PLCG2: variants seen among roughly 807,000 people sequenced by gnomAD.
The protein encoded by PLCG2 is 1-phosphatidylinositol 4,5-bisphosphate phosphodiesterase gamma-2.
In PLCG2, 69 loss-of-function variants were observed where a neutral mutation model predicts 175.6. The observed-to-expected ratio is 0.39, with a 90% CI of 0.32 to 0.48. The LOEUF (loss-of-function observed/expected upper bound fraction) is 0.48, where lower values mean the gene tolerates loss of function less well. PLCG2 is among the 20% of genes least tolerant of loss of function. The pLI, the probability that PLCG2 is intolerant of heterozygous loss-of-function variation, is 0.91. For synonymous variants in PLCG2, 827 were observed against 624.0 expected, an observed-to-expected ratio of 1.33 and a Z score of -4.85; for missense variants, 1,798 against 1,650.9, an observed-to-expected ratio of 1.09 and a Z score of -1.54.
rs1366873718 is a variant in PLCG2, at chr16:81,905,516, T to C, written c.1467+9T>C. The stretch of plus-strand genomic sequence containing the variant: ...GGGATTCCATTGACCAGGTGGGCCT[T>C]GGTCCCTTCCCGTAGCCACTGCGGC... On this transcript the variant is annotated intron_variant, in intron 15 of 32. Coordinates refer to ENST00000564138, the MANE Select transcript of PLCG2 (RefSeq NM_002661.5). 6.2e-7 allele frequency: 1 copy of C among 1,605,638 alleles called. No individual in the cohort carries two copies. Among genetic ancestry groups the C allele is most frequent in the African/African-American group, 1.3e-5 (1 of 74,766 alleles).
chr16:81,926,581 C>G (rs1910284713), intron 22 of PLCG2, among the ~76,000 whole-genome samples: 1 of 152,200 alleles, frequency 6.6e-6, no homozygotes, highest in Non-Finnish European at 1.5e-5. Context: ...GTCCCAAGCA[C>G]TCAGCTTATG....
At chr16:81,896,233 G>A (rs187249675) in intron 13 of PLCG2, among the ~76,000 whole-genome samples, 98 of 152,170 alleles carry the variant, frequency 6.4e-4, no homozygotes, top group African/African-American at 2.2e-3. Flanking sequence ...CAGAACCCCC[G>A]AAAGAGAGGG....
chr16:81,910,689 G>T lies in PLCG2; in HGVS notation c.1903G>T (p.Val635Leu). 1.2e-6 allele frequency: 2 copies of T among 1,611,860 alleles called. No individual in the cohort carries two copies. The highest frequency in any genetic ancestry group is 1.7e-6 in the Non-Finnish European group (2 of 1,179,986). The stretch of plus-strand genomic sequence containing the variant: ...GTTCGAGCTGCGGCTCACGGACCCT[G>T]TGCCCAACCCCAACCCCCACGAGTC... ...AEFELRLTDP[V>L]PNPNPHESKP... is the part of the protein sequence containing the mutation. Residue 635 changes from valine (V) to leucine (L), a missense_variant, in exon 18 of 33, where the codon GTG becomes TTG. Val to Leu is a conservative substitution (Grantham distance 32, BLOSUM62 1). Transcript: ENST00000564138.
At chr16:81,843,833 G>C (rs961954736) in intron 2 of PLCG2, among the ~76,000 whole-genome samples, 2 of 152,234 alleles carry the variant, frequency 1.3e-5, no homozygotes, top group Admixed American at 1.3e-4. Flanking sequence ...TCAATAGAAT[G>C]GGCAGGATGC....
intron 2 of PLCG2, among the ~76,000 whole-genome samples, chr16:81,799,795 G>A (rs1407867477): frequency 7.3e-5 from 11 of 150,866 alleles, no homozygotes; most frequent in South Asian, 6.3e-4. Context: ...GGGTTTCACC[G>A]TGTTAGCCAG....
At chr16:81,944,614 A>C (rs1447462174) in intron 30 of PLCG2, among the ~76,000 whole-genome samples, 1 of 152,144 alleles carries the variant, frequency 6.6e-6, no homozygotes, top group Non-Finnish European at 1.5e-5. Context: ...ACAGGTGTGC[A>C]TCACTGTGCC....
At chr16:81,788,309 C>T (rs571978747) in intron 2 of PLCG2, among the ~76,000 whole-genome samples, 49 of 152,282 alleles carry the variant, frequency 3.2e-4, no homozygotes, top group African/African-American at 1.1e-3. Context: ...TAGACAGAGT[C>T]TCGCTCTGTT....
intron 23 of PLCG2, among the ~76,000 whole-genome samples, chr16:81,928,233 C>T (rs1451643404): frequency 6.6e-6 from 1 of 152,078 alleles, no homozygotes; most frequent in East Asian, 1.9e-4. Flanking sequence ...GTCTCATTTT[C>T]TAATAAGGTC....
intron 2 of PLCG2, among the ~76,000 whole-genome samples, chr16:81,843,953 G>C (rs889898985): frequency 2.0e-5 from 3 of 150,558 alleles, no homozygotes; most frequent in Admixed American, 1.3e-4. Context: ...TTTCCTTTTC[G>C]TTTTTCTTTT....
intron 2 of PLCG2, among the ~76,000 whole-genome samples, chr16:81,761,390 A>T (rs1181407430): frequency 6.6e-6 from 1 of 152,176 alleles, no homozygotes; most frequent in Non-Finnish European, 1.5e-5. Context: ...AGTAATGATA[A>T]TACTTAAATG....
chr16:81,771,287 G>C lies in PLCG2; in HGVS notation c.-47-14656G>C, dbSNP rs776729710. On this transcript the variant is annotated intron_variant, in intron 2 of 5. Coordinates refer to the PLCG2 transcript ENST00000565054. ...CTGTTGCTCAGGCTGGAGTACACTG[G>C]TGTTGTCACAGCTCACTGCAGCCTT... is the stretch of plus-strand genomic sequence containing the variant. Among the ~76,000 whole-genome samples, 15 of 152,250 alleles carry C rather than the reference G, an allele frequency of 9.9e-5. 1 individual carries two copies. In the East Asian group the frequency reaches 1.2e-3, roughly 12 times the overall value.
intron 13 of PLCG2, among the ~76,000 whole-genome samples, chr16:81,900,024 G>C (rs1218540344): frequency 6.6e-6 from 1 of 152,062 alleles, no homozygotes; most frequent in East Asian, 1.9e-4. Context: ...ATCAACTACA[G>C]ATACACACAA....
intron 13 of PLCG2, 69 bp from the exon 14 acceptor site, chr16:81,900,543 C>G (rs1341507970): frequency 1.4e-6 from 2 of 1,432,040 alleles, no homozygotes; most frequent in East Asian, 2.4e-5. Context: ...GCTGCCCTGG[C>G]CCCTCTGTGG....
At chr16:81,794,235 T>G (rs1333776465) in intron 2 of PLCG2, among the ~76,000 whole-genome samples, 1 of 152,198 alleles carries the variant, frequency 6.6e-6, no homozygotes, top group Non-Finnish European at 1.5e-5. Context: ...TTACTGTATT[T>G]TGGCTCATCC....
chr16:81,771,801 T>G (rs1023564864), intron 2 of PLCG2, among the ~76,000 whole-genome samples: 4 of 152,128 alleles, frequency 2.6e-5, no homozygotes, highest in African/African-American at 9.7e-5. Flanking sequence ...TTTGTTTTTT[T>G]GAGTTGGAGT....
intron 2 of PLCG2, among the ~76,000 whole-genome samples, chr16:81,789,844 G>GC (rs150696922): frequency 0.16 from 20,484 of 131,528 alleles, 1,647 homozygotes; most frequent in East Asian, 0.3. Context: ...TCCCACCTTT[G>GC]CCCCCCCTCC....
intron 2 of PLCG2, among the ~76,000 whole-genome samples, chr16:81,761,094 A>T (rs985877896): frequency 5.3e-5 from 8 of 152,150 alleles, no homozygotes; most frequent in African/African-American, 1.7e-4. Context: ...ACAAGGTTTC[A>T]CTATGTTGCC....
At position 81,903,138 on chromosome 16, in the gene PLCG2, A is replaced by G. The variant is rs7200358; in HGVS notation, c.1363-2265A>G. 6.1e-3 allele frequency among the ~76,000 whole-genome samples: 922 copies of G among 152,342 alleles called. 10 individuals carry two copies. Among genetic ancestry groups the G allele is most frequent in the African/African-American group, 0.021 (880 of 41,576 alleles). Reference sequence around the variant, plus strand: ...GTTTCAACATATAAATTTTGGGAGGACACAGACATTCAGACCATAGCAGTA... The same window carrying G: ...GTTTCAACATATAAATTTTGGGAGGGCACAGACATTCAGACCATAGCAGTA... On this transcript the variant is annotated intron_variant, in intron 14 of 32. Transcript: ENST00000564138.
rs1911709271 is a variant in PLCG2, at chr16:81,959,665, G to A, written c.*1667G>A. On this transcript the variant is annotated 3_prime_UTR_variant, in exon 33 of 33. Coordinates refer to ENST00000564138, the MANE Select transcript of PLCG2 (RefSeq NM_002661.5). Reference sequence around the variant, plus strand: ...AACTGAAGAAAGAACATTCCTCTTAGTGGCAGATGTTCAAAGCAACTTTCA... The same window carrying A: ...AACTGAAGAAAGAACATTCCTCTTAATGGCAGATGTTCAAAGCAACTTTCA... The A allele has an allele frequency of 5.3e-6, 1 of 187,424 alleles. No homozygotes were observed. Among genetic ancestry groups the A allele is most frequent in the African/African-American group, 2.3e-5 (1 of 42,754 alleles). The allele number at this position is 187,424 out of a possible 1,614,324, so 11.6% of individuals were successfully genotyped here. A position where few individuals can be genotyped will look rare whatever the true frequency, so the allele number is the denominator to read the frequency against.
Sources: allele counts gnomAD v4.1 joint callset (sites outside exome capture counted in the v4.1 genomes callset), GRCh38; gene constraint gnomAD v4.1.1; transcripts MANE v1.5; gene names NCBI Gene and HGNC (gene_info 2026-07-23, HGNC 2026-07-21).